Variants in CLDN10 observed in about 807,000 individuals in gnomAD.
CLDN10 encodes the protein claudin-10.
In CLDN10, 15 loss-of-function variants were observed where a neutral mutation model predicts 22.9. The observed-to-expected ratio is 0.65, with a 90% CI of 0.44 to 1.01. The LOEUF (loss-of-function observed/expected upper bound fraction) is 1.01, where lower values mean the gene tolerates loss of function less well. Among genes scored for constraint, CLDN10 ranks in the 50% least tolerant of loss-of-function variants. CLDN10 has a pLI of 0.00. For missense variants in CLDN10, 247 were observed against 287.8 expected (o/e 0.86, Z 1.03); for synonymous variants, 114 against 111.4 (o/e 1.02, Z -0.15).
chr13:95,579,689 G>C lies in CLDN10; in HGVS notation c.*1675G>C, dbSNP rs528666754. On this transcript the variant is annotated 3_prime_UTR_variant, in exon 5 of 5. Transcript: ENST00000299339. ...AAAAAGAATCACATTGTTCAGAGGTGCTCAATGGAAAGAAAAGGAAATGAA... is the reference window on the plus strand; with the variant it reads ...AAAAAGAATCACATTGTTCAGAGGTCCTCAATGGAAAGAAAAGGAAATGAA... 8 of 152,202 alleles carry C rather than the reference G, an allele frequency of 5.3e-5. No homozygotes were observed. Among genetic ancestry groups the C allele is most frequent in the African/African-American group, 1.7e-4 (7 of 41,518 alleles). The allele number at this position is 152,202 out of a possible 1,614,324, so 9.4% of individuals were successfully genotyped here.
intron 1 of CLDN10, among the ~76,000 whole-genome samples, chr13:95,446,738 A>C (rs2042383206): frequency 1.3e-5 from 2 of 152,116 alleles, no homozygotes; most frequent in African/African-American, 4.8e-5. Flanking sequence ...GCTATTTGGG[A>C]GGCTGAGGCA....
chr13:95,443,470 T>C (rs991217803), intron 1 of CLDN10, among the ~76,000 whole-genome samples: 2 of 152,152 alleles, frequency 1.3e-5, no homozygotes, highest in East Asian at 1.9e-4. Context: ...AGTTTTATAC[T>C]CGTCGATCCC....
At chr13:95,467,596 C>T (rs375615737) in intron 1 of CLDN10, among the ~76,000 whole-genome samples, 5 of 151,970 alleles carry the variant, frequency 3.3e-5, no homozygotes, top group African/African-American at 4.8e-5. Flanking sequence ...CTATACTCTG[C>T]TTTTTGTTGA....
intron 1 of CLDN10, among the ~76,000 whole-genome samples, chr13:95,477,188 G>A (rs538723490): frequency 7.9e-5 from 12 of 152,318 alleles, no homozygotes; most frequent in East Asian, 1.9e-4. Context: ...GGGGCAGCAC[G>A]AGGGCTGGTC....
Position 95,471,453 on chromosome 13 carries a change from A to ATATATATATATATATT in CLDN10, c.214+37407_214+37408insATATATATATATATTT, listed in dbSNP as rs776857009. The stretch of plus-strand genomic sequence containing the variant: ...CACACACACACACATATATATATAT[A>ATATATATATATATATT]TTTTTTTTTTTTTTTTTGAGATGGA... On this transcript the variant is annotated intron_variant, in intron 1 of 4. Coordinates refer to the CLDN10 transcript ENST00000376873. Among the ~76,000 whole-genome samples, 582 of 106,278 alleles carry ATATATATATATATATT rather than the reference A, an allele frequency of 5.5e-3. 5 individuals carry two copies. Among genetic ancestry groups the ATATATATATATATATT allele is most frequent in the Non-Finnish European group, 8.8e-3 (483 of 55,198 alleles). 69.7% of individuals were successfully genotyped at this position (106,278 alleles called of 152,430 possible).
At chr13:95,505,991 C>T (rs1348580227) in intron 1 of CLDN10, among the ~76,000 whole-genome samples, 3 of 152,132 alleles carry the variant, frequency 2.0e-5, no homozygotes, top group Admixed American at 1.3e-4. Flanking sequence ...CCACCTGCCT[C>T]GACCTCCCAA....
chr13:95,537,306 T>C (rs776784081), intron 1 of CLDN10, among the ~76,000 whole-genome samples: 1 of 152,212 alleles, frequency 6.6e-6, no homozygotes, highest in Non-Finnish European at 1.5e-5. Context: ...TTATTTGTTT[T>C]GTTGCCAGAG....
chr13:95,531,010 C>T (rs2043336724), intron 1 of CLDN10, among the ~76,000 whole-genome samples: 1 of 151,924 alleles, frequency 6.6e-6, no homozygotes, highest in African/African-American at 2.4e-5. Context: ...ACTCAGCCTC[C>T]CGGGTTCAAG....
chr13:95,441,945 G>A (rs1017271746), intron 1 of CLDN10, among the ~76,000 whole-genome samples: 1 of 152,218 alleles, frequency 6.6e-6, no homozygotes, highest in Non-Finnish European at 1.5e-5. Flanking sequence ...GAGCGCAGAA[G>A]TTTGAGACCA....
chr13:95,445,300 G>A (rs571968479), intron 1 of CLDN10, among the ~76,000 whole-genome samples: 5 of 152,330 alleles, frequency 3.3e-5, no homozygotes, highest in Admixed American at 1.3e-4. Flanking sequence ...GGCTGCAGAC[G>A]TCGATAACAA....
At chr13:95,466,129 T>C (rs2042579482) in intron 1 of CLDN10, among the ~76,000 whole-genome samples, 1 of 152,026 alleles carries the variant, frequency 6.6e-6, no homozygotes. Context: ...GTAAAATATA[T>C]ATAACATAAA....
At chr13:95,577,132 AAACAT>A in intron 3 of CLDN10, 94 bp from the exon 4 acceptor site, 1 of 775,908 alleles carries the variant, frequency 1.3e-6, no homozygotes, top group Non-Finnish European at 2.1e-6. Flanking sequence ...AATAGCAAAA[AAACAT>A]AATAAGCATT....
intron 1 of CLDN10, among the ~76,000 whole-genome samples, chr13:95,463,329 C>CTTT (rs2042554668): frequency 4.5e-5 from 1 of 22,052 alleles, no homozygotes; most frequent in Admixed American, 4.4e-4. Context: ...TATATATTTG[C>CTTT]CTTTTTTTTT....
intron 3 of CLDN10, among the ~76,000 whole-genome samples, chr13:95,566,116 T>C (rs2043784511): frequency 1.3e-5 from 2 of 152,210 alleles, no homozygotes. Flanking sequence ...AGTAGCATGA[T>C]TTATAATCCT....
At chr13:95,464,875 G>A (rs980004226) in intron 1 of CLDN10, among the ~76,000 whole-genome samples, 22 of 152,176 alleles carry the variant, frequency 1.4e-4, no homozygotes, top group Admixed American at 1.4e-3. Flanking sequence ...GGAATTACAG[G>A]TGTGCAGCAC....
intron 1 of CLDN10, among the ~76,000 whole-genome samples, chr13:95,482,481 A>T (rs554950018): frequency 6.6e-6 from 1 of 152,190 alleles, no homozygotes; most frequent in South Asian, 2.1e-4. Flanking sequence ...TCTTTTGGGG[A>T]TAGATGGGTC....
chr13:95,447,328 G>C (rs868273843), intron 1 of CLDN10, among the ~76,000 whole-genome samples: 11 of 152,294 alleles, frequency 7.2e-5, no homozygotes, highest in African/African-American at 2.6e-4. Flanking sequence ...CTACTGCAGT[G>C]GCCGAGGTCC....
intron 1 of CLDN10, among the ~76,000 whole-genome samples, chr13:95,503,577 A>G (rs912918913): frequency 9.9e-5 from 15 of 152,254 alleles, no homozygotes; most frequent in South Asian, 4.1e-4. Context: ...AAACTGAAAC[A>G]TGGAAGAAAC....
chr13:95,480,849 T>C (rs2042739559), intron 1 of CLDN10, among the ~76,000 whole-genome samples: 1 of 152,168 alleles, frequency 6.6e-6, no homozygotes, highest in Non-Finnish European at 1.5e-5. Context: ...TTAGAAGTTA[T>C]CTATCAAGTG....
Sources: gnomAD v4.1 joint callset for allele counts (sites outside exome capture counted in the v4.1 genomes callset) on GRCh38, gnomAD v4.1.1 for gene constraint, MANE v1.5 for transcripts, NCBI Gene and HGNC (gene_info 2026-07-23, HGNC 2026-07-21) for gene names.